Variants in TENM2 observed in about 807,000 individuals in gnomAD.
The protein encoded by TENM2 is teneurin transmembrane protein 2, also known as teneurin-2.
In TENM2, 52 loss-of-function variants were observed where a neutral mutation model predicts 245.2. The observed-to-expected ratio is 0.21, with a 90% confidence interval of 0.17 to 0.27. The LOEUF (loss-of-function observed/expected upper bound fraction) is 0.27, where lower values mean the gene tolerates loss of function less well. TENM2 is among the 10% of genes least tolerant of loss of function. The pLI, the probability that TENM2 is intolerant of heterozygous loss-of-function variation, is 1.00. For missense variants in TENM2, 3,046 were observed against 3,666.8 expected (o/e 0.83, Z 4.37); for synonymous variants, 1,363 against 1,438.9 (o/e 0.95, Z 1.19).
chr5:168,170,900 T>C (rs1421588618), intron 13 of TENM2, among the ~76,000 whole-genome samples: 3 of 152,212 alleles, frequency 2.0e-5, no homozygotes, highest in Non-Finnish European at 4.4e-5. Flanking sequence ...ATCAGCTGTT[T>C]TTTTCACCTT....
chr5:167,158,070 A>G, the TENM2 span, among the ~76,000 whole-genome samples: 1 of 152,126 alleles, frequency 6.6e-6, no homozygotes, highest in Admixed American at 6.5e-5. Context: ...ATCATGGCTT[A>G]GATTGATTTG....
chr5:167,634,123 A>T (rs2150225155), intron 2 of TENM2, among the ~76,000 whole-genome samples: 1 of 152,344 alleles, frequency 6.6e-6, no homozygotes, highest in Admixed American at 6.5e-5. Flanking sequence ...GATTCAAAAA[A>T]TCTCAACAAG....
intron 2 of TENM2, among the ~76,000 whole-genome samples, chr5:167,740,261 G>A (rs1490608599): frequency 2.0e-5 from 3 of 152,082 alleles, no homozygotes; most frequent in African/African-American, 7.2e-5. Context: ...AGTCACATCG[G>A]GTTATGGAAA....
intron 2 of TENM2, among the ~76,000 whole-genome samples, chr5:167,525,881 A>G (rs913738209): frequency 2.0e-5 from 3 of 152,144 alleles, no homozygotes; most frequent in African/African-American, 7.2e-5. Flanking sequence ...GGTTGACACT[A>G]TTAGAAAAAT....
chr5:167,401,536 G>A (rs890200549), intron 2 of TENM2, among the ~76,000 whole-genome samples: 3 of 152,204 alleles, frequency 2.0e-5, no homozygotes, highest in Non-Finnish European at 4.4e-5. Context: ...TGAATAAAAG[G>A]CTAACACACT....
rs1286153366 is a variant in TENM2 at position 167,452,529 on chromosome 5, A to G, written c.502+77056A>G. ...GCCATAGTTTTCCATTGCATCAGTG[A>G]CAATTGTTATGTGATGAAAGTGCAG... is the stretch of plus-strand genomic sequence containing the variant. On this transcript the variant is annotated intron_variant, in intron 2 of 28. Transcript: ENST00000518659. 2.0e-5 allele frequency among the ~76,000 whole-genome samples: 3 copies of G among 152,126 alleles called. 1 individual carries two copies. The highest frequency in any genetic ancestry group is 4.1e-4 in the South Asian group (2 of 4,826).
chr5:167,510,496 G>A (rs1221143425), intron 2 of TENM2, among the ~76,000 whole-genome samples: 1 of 152,084 alleles, frequency 6.6e-6, no homozygotes, highest in Non-Finnish European at 1.5e-5. Flanking sequence ...TAAGTGTGGA[G>A]GATCAGCAGT....
chr5:167,952,805 C>T (rs1780223558), exon 4 of TENM2: 2 of 1,558,500 alleles, frequency 1.3e-6, no homozygotes, highest in Non-Finnish European at 1.7e-6. Context: ...TAAACAGCAA[C>T]GTGCCACTGG....
chr5:168,088,617 T>C (rs1792662131), intron 7 of TENM2, among the ~76,000 whole-genome samples: 2 of 152,234 alleles, frequency 1.3e-5, no homozygotes, highest in African/African-American at 2.4e-5. Context: ...GGCCCTGCCC[T>C]AAGCATTATC....
intron 2 of TENM2, among the ~76,000 whole-genome samples, chr5:167,404,389 G>T (rs779660012): frequency 6.6e-6 from 1 of 152,024 alleles, no homozygotes; most frequent in Non-Finnish European, 1.5e-5. Flanking sequence ...TCTTCATAAC[G>T]CTAGATACAG....
chr5:167,009,471 CT>C, the TENM2 span, among the ~76,000 whole-genome samples: 1 of 152,088 alleles, frequency 6.6e-6, no homozygotes, highest in African/African-American at 2.4e-5. Flanking sequence ...TACACCTTTT[CT>C]TTTTGGAATA....
chr5:167,237,166 G>A, the TENM2 span, among the ~76,000 whole-genome samples: 1 of 152,110 alleles, frequency 6.6e-6, no homozygotes, highest in Non-Finnish European at 1.5e-5. Flanking sequence ...CCGCGCACCT[G>A]TATGTCTGTG....
At chr5:167,332,931 C>T (rs150667268) in intron 1 of TENM2, among the ~76,000 whole-genome samples, 12 of 151,988 alleles carry the variant, frequency 7.9e-5, no homozygotes, top group African/African-American at 2.9e-4. Flanking sequence ...ACTGAAGAGA[C>T]AAATTGATCC....
intron 2 of TENM2, among the ~76,000 whole-genome samples, chr5:167,645,179 G>A (rs1779850014): frequency 6.6e-6 from 1 of 152,212 alleles, no homozygotes; most frequent in Non-Finnish European, 1.5e-5. Flanking sequence ...AACAAGTCAA[G>A]TGACCTCTTA....
At chr5:167,833,179 TTTA>T (rs1289864853) in intron 2 of TENM2, among the ~76,000 whole-genome samples, 9 of 152,172 alleles carry the variant, frequency 5.9e-5, no homozygotes, top group Non-Finnish European at 7.3e-5. Context: ...TTATTAAGCA[TTTA>T]TTATTATTAA....
the TENM2 span, among the ~76,000 whole-genome samples, chr5:167,250,260 G>A: frequency 6.6e-6 from 1 of 152,060 alleles, no homozygotes; most frequent in Non-Finnish European, 1.5e-5. Context: ...GATCAAAGCT[G>A]CAGTAAGCCG....
chr5:168,199,887 C>A, exon 17 of TENM2: 1 of 1,613,882 alleles, frequency 6.2e-7, no homozygotes, highest in African/African-American at 1.3e-5. Flanking sequence ...AAATCGAGCT[C>A]CCTGGTTCCA....
chr5:168,247,818 C>T lies in TENM2; in HGVS notation c.6879C>T (p.Ala2293=), dbSNP rs755936386. ...TCCTAACAAGAGCCTACAACAAGGC[C>T]AGCGGGTGGAGTGTCCAGTACCGCT... is the stretch of plus-strand genomic sequence containing the variant. The change falls in exon 27 of 29, where the codon GCC becomes GCT. Residue 2293 remains alanine (A), a synonymous_variant. Transcript: ENST00000518659. This position sits in a 1 kb window ranked among gnomAD's most constrained non-coding sequence, Gnocchi z 7.8. The T allele has an allele frequency of 1.9e-6, 3 of 1,614,016 alleles. No individual in the cohort carries two copies. In the Admixed American group the frequency reaches 5.0e-5, roughly 27 times the overall value.
chr5:167,793,564 G>A (rs1385508377), intron 2 of TENM2, among the ~76,000 whole-genome samples: 1 of 152,160 alleles, frequency 6.6e-6, no homozygotes, highest in Admixed American at 6.6e-5. Context: ...GCCAGGTGCA[G>A]TGGCTCATGC....
Sources: allele counts gnomAD v4.1 joint callset (sites outside exome capture counted in the v4.1 genomes callset), GRCh38; gene constraint gnomAD v4.1.1; non-coding constraint Gnocchi (gnomAD v3.1); transcripts MANE v1.5; gene names NCBI Gene and HGNC (gene_info 2026-07-23, HGNC 2026-07-21).